CD58: variants seen among roughly 807,000 people sequenced by gnomAD.
CD58 encodes the protein lymphocyte function-associated antigen 3.
CD58 carries 14 observed loss-of-function variants against 27.6 expected under a neutral mutation model. That is an observed-to-expected ratio of 0.51 (90% CI 0.34 to 0.79). CD58 has a LOEUF of 0.79. CD58 is among the 30% of genes least tolerant of loss of function. The pLI, the probability that CD58 is intolerant of heterozygous loss-of-function variation, is 0.02. For synonymous variants in CD58, 117 were observed against 103.8 expected (o/e 1.13, Z -0.77); for missense variants, 268 against 301.7 (o/e 0.89, Z 0.83).
chr1:116,570,869 C>A lies in CD58; in HGVS notation c.70+34G>T. The A allele has an allele frequency of 6.6e-7, 1 of 1,522,600 alleles. No homozygotes were observed. Among genetic ancestry groups the A allele is most frequent in the Non-Finnish European group, 8.8e-7 (1 of 1,135,684 alleles). 94.3% of individuals were successfully genotyped at this position (1,522,600 alleles called of 1,614,324 possible). A position where few individuals can be genotyped will look rare whatever the true frequency, so the allele number is the denominator to read the frequency against. Reference sequence around the variant, plus strand: ...CTGGGTGCTGCCCAGTACCCGCCGGCCGGCGCGGGGCCCCTGGGGCAGGCT... The same window carrying A: ...CTGGGTGCTGCCCAGTACCCGCCGGACGGCGCGGGGCCCCTGGGGCAGGCT... On this transcript the variant is annotated intron_variant, in intron 1 of 5. Coordinates refer to ENST00000369489, the MANE Select transcript of CD58 (RefSeq NM_001779.3). The surrounding 1 kb of genome is among the most constrained non-coding windows in gnomAD (Gnocchi z 6.4).
chr1:116,560,541 T>A (rs1459885959), intron 1 of CD58, among the ~76,000 whole-genome samples: 1 of 152,246 alleles, frequency 6.6e-6, no homozygotes, highest in Non-Finnish European at 1.5e-5. Context: ...TCTGATTTTT[T>A]ATTTTTTTCT....
intron 1 of CD58, among the ~76,000 whole-genome samples, chr1:116,558,915 T>C (rs1476199808): frequency 6.6e-6 from 1 of 152,226 alleles, no homozygotes; most frequent in Non-Finnish European, 1.5e-5. Context: ...CAAATGTTCA[T>C]GGAGTCCTGC....
rs1657813062 is a variant in CD58 at position 116,536,482 on chromosome 1, C to CAT, written c.365-256_365-255dup. 6.6e-6 allele frequency among the ~76,000 whole-genome samples: 1 copy of CAT among 152,080 alleles called. No individual in the cohort carries two copies. The highest frequency in any genetic ancestry group is 2.4e-5 in the African/African-American group (1 of 41,398). The stretch of plus-strand genomic sequence containing the variant: ...AAATCTCATCTTGAATTGTAATTCC[C>CAT]ATGTGTCGAGAGAGGGACCTGGTGG... On this transcript the variant is annotated intron_variant, in intron 2 of 5. Transcript: ENST00000369489. The surrounding 1 kb of genome is among the most constrained non-coding windows in gnomAD (Gnocchi z 5.4).
chr1:116,533,285 C>CT, intron 3 of CD58: 1 of 1,354,258 alleles, frequency 7.4e-7, no homozygotes. Flanking sequence ...TACGCTTCTG[C>CT]TTTTTCTTGA....
chr1:116,535,051 C>G (rs376426576), intron 3 of CD58, among the ~76,000 whole-genome samples: 4 of 151,996 alleles, frequency 2.6e-5, no homozygotes, highest in Non-Finnish European at 1.5e-5. Flanking sequence ...AAGTCACTGA[C>G]CTTTTTGTTT....
intron 3 of CD58, chr1:116,533,437 T>C: frequency 2.6e-6 from 2 of 761,804 alleles, no homozygotes; most frequent in East Asian, 5.0e-5. Context: ...AGGACTGAGT[T>C]GGCAAAGCAG....
chr1:116,535,789 C>T (rs1035339821), intron 3 of CD58, among the ~76,000 whole-genome samples, 176 bp downstream of exon 3: 1 of 89,686 alleles, frequency 1.1e-5, no homozygotes, highest in Non-Finnish European at 1.9e-5. Flanking sequence ...TGCAGTGAGC[C>T]GAGATCGCGC....
intron 1 of CD58, among the ~76,000 whole-genome samples, chr1:116,554,517 C>T (rs978626685): frequency 4.6e-5 from 7 of 151,954 alleles, no homozygotes; most frequent in Admixed American, 1.3e-4. Flanking sequence ...GAGACCCTGT[C>T]TCTACCAAAA....
At chr1:116,533,667 T>C in intron 3 of CD58, 1 of 683,484 alleles carries the variant, frequency 1.5e-6, no homozygotes, top group Non-Finnish European at 2.8e-6. Flanking sequence ...CTGTTATGAC[T>C]ACTTTATTTT....
In CD58 at chr1:116,528,500, G is replaced by A. The variant is rs188402668; in HGVS notation, c.629-6517C>T. 9.9e-5 allele frequency among the ~76,000 whole-genome samples: 15 copies of A among 152,246 alleles called. No individual in the cohort carries two copies. The highest frequency in any genetic ancestry group is 3.9e-4 in the East Asian group (2 of 5,190). Reference sequence around the variant, plus strand: ...TGTTTGTTCTACATAACTTCAGGTCGGAACTGAACAATGTTTCTTTTATGT... The same window carrying A: ...TGTTTGTTCTACATAACTTCAGGTCAGAACTGAACAATGTTTCTTTTATGT... On this transcript the variant is annotated intron_variant, in intron 3 of 5. Transcript: ENST00000369489. This position sits in a 1 kb window ranked among gnomAD's most constrained non-coding sequence, Gnocchi z 4.4.
chr1:116,519,027 A>G lies in CD58; in HGVS notation c.743+204T>C. On this transcript the variant is annotated intron_variant, in intron 5 of 5. Transcript: ENST00000369489. This position sits in a 1 kb window ranked among gnomAD's most constrained non-coding sequence, Gnocchi z 4.7. ...AAGGCTCATTGAGAGGGTTCCAGGA[A>G]ACGATATGCAGAGAGTGGCTAGTGC... The G allele has an allele frequency of 8.2e-7, 1 of 1,213,120 alleles. No individual in the cohort carries two copies. Among genetic ancestry groups the G allele is most frequent in the Non-Finnish European group, 1.1e-6 (1 of 901,328 alleles). 75.1% of individuals were successfully genotyped at this position (1,213,120 alleles called of 1,614,324 possible).
At chr1:116,530,056 T>C (rs1184155677) in intron 3 of CD58, among the ~76,000 whole-genome samples, 2 of 152,206 alleles carry the variant, frequency 1.3e-5, no homozygotes, top group African/African-American at 4.8e-5. Flanking sequence ...CAAAGAAAAC[T>C]TTAAAATTTG....
At position 116,523,328 on chromosome 1, in the gene CD58, T is replaced by C. The variant is rs923473044; in HGVS notation, c.629-1345A>G. On this transcript the variant is annotated intron_variant, in intron 3 of 5. Transcript: ENST00000369489. The surrounding 1 kb of genome is among the most constrained non-coding windows in gnomAD (Gnocchi z 4.4). ...GAGTACACAATGCACTGCTAAAGGATTGGGGAGGGGTCACTAAGAACAAAT... is the reference window on the plus strand; with the variant it reads ...GAGTACACAATGCACTGCTAAAGGACTGGGGAGGGGTCACTAAGAACAAAT... 2.0e-5 allele frequency among the ~76,000 whole-genome samples: 3 copies of C among 151,614 alleles called. No individual in the cohort carries two copies. Among genetic ancestry groups the C allele is most frequent in the African/African-American group, 2.4e-5 (1 of 41,198 alleles).
chr1:116,528,746 A>G lies in CD58; in HGVS notation c.629-6763T>C, dbSNP rs192585262. ...ACCTGGAAATAGCCTTTGACTCTCA[A>G]AGGTACTCAGATTTTATTTTCCTCT... On this transcript the variant is annotated intron_variant, in intron 3 of 5. Coordinates refer to ENST00000369489, the MANE Select transcript of CD58 (RefSeq NM_001779.3). This position sits in a 1 kb window ranked among gnomAD's most constrained non-coding sequence, Gnocchi z 4.4. 1.2e-3 allele frequency among the ~76,000 whole-genome samples: 185 copies of G among 152,280 alleles called. No homozygotes were observed. The highest frequency in any genetic ancestry group is 2.3e-3 in the Non-Finnish European group (159 of 68,020).
rs1332229815 is a variant in CD58 at position 116,538,640 on chromosome 1, T to G, written c.365-2412A>C. Among the ~76,000 whole-genome samples, 1 of 152,208 alleles carries G rather than the reference T, an allele frequency of 6.6e-6. No individual in the cohort carries two copies. The highest frequency in any genetic ancestry group is 1.9e-4 in the East Asian group (1 of 5,204). ...GTGGCCTGTTTGTTCTGTTGCAGAT[T>G]CTAATGTATTGATCTAGCTCTGCCA... On this transcript the variant is annotated intron_variant, in intron 2 of 5. Transcript: ENST00000369489. This position sits in a 1 kb window ranked among gnomAD's most constrained non-coding sequence, Gnocchi z 4.7.
intron 4 of CD58, among the ~76,000 whole-genome samples, chr1:116,520,215 C>T (rs1287744509): frequency 6.6e-6 from 1 of 152,162 alleles, no homozygotes; most frequent in African/African-American, 2.4e-5. Context: ...CAACATCTGC[C>T]TCCCTCCCGC....
intron 1 of CD58, among the ~76,000 whole-genome samples, chr1:116,549,365 A>T (rs183249793): frequency 6.6e-6 from 1 of 152,284 alleles, no homozygotes; most frequent in Admixed American, 6.5e-5. Flanking sequence ...GCAGTTAACT[A>T]TGCCCAGGAG....
intron 1 of CD58, among the ~76,000 whole-genome samples, chr1:116,564,168 A>C (rs540760361): frequency 5.9e-4 from 90 of 152,320 alleles, no homozygotes; most frequent in South Asian, 4.8e-3. Flanking sequence ...ACGTATCTTT[A>C]GGGCACAGGC....
rs1032640462 is a variant in CD58, at chr1:116,527,501, C to A, written c.629-5518G>T. 6.6e-6 allele frequency among the ~76,000 whole-genome samples: 1 copy of A among 152,158 alleles called. No homozygotes were observed. The highest frequency in any genetic ancestry group is 2.4e-5 in the African/African-American group (1 of 41,434). On this transcript the variant is annotated intron_variant, in intron 3 of 5. Transcript: ENST00000369489. This position sits in a 1 kb window ranked among gnomAD's most constrained non-coding sequence, Gnocchi z 4.4. ...CATTAATTGATTTTCATATGTTGAA[C>A]CTGCCTTGCACACCTGAGATAAATA...
Sources: gnomAD v4.1 joint callset for allele counts (sites outside exome capture counted in the v4.1 genomes callset) on GRCh38, gnomAD v4.1.1 for gene constraint, Gnocchi (gnomAD v3.1) non-coding constraint, MANE v1.5 for transcripts, NCBI Gene and HGNC (gene_info 2026-07-23, HGNC 2026-07-21) for gene names.